Variants in PIGN observed in about 807,000 individuals in gnomAD.
The protein encoded by PIGN is phosphatidylinositol glycan anchor biosynthesis class N, also known as GPI ethanolamine phosphate transferase 1.
Under a neutral mutation model 125.4 loss-of-function variants are expected in PIGN, and 117 were observed. The ratio of observed to expected loss-of-function variants is 0.93; its 90% CI spans 0.80 to 1.09. The LOEUF (loss-of-function observed/expected upper bound fraction) is 1.09. Among genes scored for constraint, PIGN ranks in the 50% least tolerant of loss-of-function variants. The pLI is 0.00. For synonymous variants in PIGN, 392 were observed against 377.8 expected (o/e 1.04, Z -0.44); for missense variants, 1,075 against 1,094.9 (o/e 0.98, Z 0.26).
At chr18:62,098,768 C>T (rs2034317784) in intron 22 of PIGN, among the ~76,000 whole-genome samples, 1 of 152,120 alleles carries the variant, frequency 6.6e-6, no homozygotes, top group African/African-American at 2.4e-5. Flanking sequence ...CCTAGCTCTA[C>T]CAATCCCAAG....
intron 30 of PIGN, among the ~76,000 whole-genome samples, chr18:62,055,904 T>C (rs11152328): frequency 0.33 from 50,351 of 150,780 alleles, 9,325 homozygotes; most frequent in East Asian, 0.64. Flanking sequence ...CAAGGTCTTA[T>C]AGGCACTTAA....
At chr18:62,116,943 G>GA (rs944331390) in intron 14 of PIGN, among the ~76,000 whole-genome samples, 1 of 151,892 alleles carries the variant, frequency 6.6e-6, no homozygotes, top group Non-Finnish European at 1.5e-5. Context: ...AAGAATAAGA[G>GA]AAAAAAATTC....
At chr18:62,097,970 A>G (rs1426621875) in intron 22 of PIGN, among the ~76,000 whole-genome samples, 1 of 152,212 alleles carries the variant, frequency 6.6e-6, no homozygotes, top group Non-Finnish European at 1.5e-5. Context: ...GAAGATAGAC[A>G]AGTTGGGATG....
intron 30 of PIGN, among the ~76,000 whole-genome samples, chr18:62,051,389 G>A (rs2031271488): frequency 6.6e-6 from 1 of 152,102 alleles, no homozygotes; most frequent in Non-Finnish European, 1.5e-5. Flanking sequence ...GCCTGTTATT[G>A]GACTATTCAG....
intron 30 of PIGN, among the ~76,000 whole-genome samples, chr18:62,051,387 T>A (rs1263746333): frequency 6.6e-6 from 1 of 152,346 alleles, no homozygotes; most frequent in East Asian, 1.9e-4. Context: ...GAGCCTGTTA[T>A]TGGACTATTC....
At position 62,109,969 on chromosome 18, in the gene PIGN, G is replaced by C; in HGVS notation, c.1439C>G (p.Pro480Arg). Residue 480 changes from proline (P) to arginine (R), a missense_variant, in exon 17 of 31, where the codon CCA (proline) becomes CGA (arginine). Transcript: ENST00000640252. Reference protein sequence around the residue: ...IKGVSKEVKKPSHLLPCSFVA... With the variant: ...IKGVSKEVKKRSHLLPCSFVA... ...AAAACTACAAGGCAGGAGATGGCTTGGTTTCTGAAAAATCAAACAAAACAT... is the reference window on the plus strand; with the variant it reads ...AAAACTACAAGGCAGGAGATGGCTTCGTTTCTGAAAAATCAAACAAAACAT... The C allele has an allele frequency of 6.2e-7, 1 of 1,613,098 alleles. No individual in the cohort carries two copies. The highest frequency in any genetic ancestry group is 1.3e-5 in the African/African-American group (1 of 74,976).
At chr18:62,120,874 C>T (rs748017027) in intron 14 of PIGN, among the ~76,000 whole-genome samples, 11 of 151,018 alleles carry the variant, frequency 7.3e-5, no homozygotes, top group African/African-American at 1.7e-4. Context: ...ATAAATGGTC[C>T]GAAAACACCA....
intron 7 of PIGN, among the ~76,000 whole-genome samples, chr18:62,152,753 C>T (rs2036581327): frequency 6.6e-6 from 1 of 151,984 alleles, no homozygotes. Context: ...TGCTTTTGCA[C>T]TGGTGGAAAG....
intron 23 of PIGN, among the ~76,000 whole-genome samples, chr18:62,020,409 A>C (rs955007774): frequency 2.6e-5 from 4 of 152,196 alleles, no homozygotes; most frequent in Admixed American, 6.5e-5. Context: ...CATGTGAAGA[A>C]GCAGCAAGAT....
intron 30 of PIGN, among the ~76,000 whole-genome samples, chr18:62,058,161 TTC>T (rs1282155373): frequency 6.6e-6 from 1 of 152,198 alleles, no homozygotes; most frequent in Non-Finnish European, 1.5e-5. Context: ...AGGAGGTTCT[TTC>T]TGTCTTCCTC....
chr18:62,186,807 C>T (rs1365172601), intron 1 of PIGN, 37 bp downstream of exon 1: 1 of 152,280 alleles, frequency 6.6e-6, no homozygotes, highest in African/African-American at 2.4e-5. Context: ...ACAGTTTGGG[C>T]GCCGACACCC....
At position 62,074,837 on chromosome 18, in the gene PIGN, A is replaced by G. The variant is rs766530891; in HGVS notation, c.2577-16T>C. On this transcript the variant is annotated splice_polypyrimidine_tract_variant and intron_variant, in intron 28 of 30. Transcript: ENST00000640252. ...GAGAAAAAGGCTGGAAAAAAAAAGA[A>G]GGAAAAATTACATCTAATACAACAG... 1 of 1,588,028 alleles carries G rather than the reference A, an allele frequency of 6.3e-7. No individual in the cohort carries two copies. The highest frequency in any genetic ancestry group is 1.1e-5 in the South Asian group (1 of 88,668).
chr18:62,067,926 G>T (rs1424843306), intron 30 of PIGN, among the ~76,000 whole-genome samples: 1 of 152,168 alleles, frequency 6.6e-6, no homozygotes, highest in Non-Finnish European at 1.5e-5. Context: ...GAATAGGAAG[G>T]CCACCAGTAA....
intron 14 of PIGN, among the ~76,000 whole-genome samples, chr18:62,122,305 G>A (rs997257343): frequency 1.3e-5 from 2 of 152,048 alleles, no homozygotes; most frequent in Admixed American, 1.3e-4. Flanking sequence ...TGTATGTAAT[G>A]TATCAATTTT....
chr18:62,148,485 C>T (rs535191838), intron 7 of PIGN, 147 bp from the exon 8 acceptor site: 4 of 474,984 alleles, frequency 8.4e-6, no homozygotes, highest in African/African-American at 2.1e-5. Context: ...ACCAACACAA[C>T]GTCTTTGCTA....
At chr18:62,079,927 C>T (rs910478121) in intron 28 of PIGN, among the ~76,000 whole-genome samples, 3 of 151,984 alleles carry the variant, frequency 2.0e-5, no homozygotes, top group African/African-American at 7.2e-5. Flanking sequence ...AACACTTTCC[C>T]AATAAAAGTT....
chr18:62,167,644 C>CA (rs79152816), intron 1 of PIGN, among the ~76,000 whole-genome samples: 7 of 138,412 alleles, frequency 5.1e-5, no homozygotes, highest in Non-Finnish European at 9.2e-5. Context: ...AAAAAAAAAA[C>CA]AAAAAAAAAA....
chr18:62,030,821 T>G (rs780154122), intron 23 of PIGN, among the ~76,000 whole-genome samples: 1 of 152,176 alleles, frequency 6.6e-6, no homozygotes, highest in Admixed American at 6.5e-5. Context: ...TACTAACTTA[T>G]ATATGACTCT....
intron 23 of PIGN, among the ~76,000 whole-genome samples, chr18:62,094,470 T>A (rs1251085854): frequency 6.6e-6 from 1 of 152,134 alleles, no homozygotes; most frequent in African/African-American, 2.4e-5. Context: ...CCTGAAATGG[T>A]AGGTTAGAAT....
Sources: allele counts gnomAD v4.1 joint callset (sites outside exome capture counted in the v4.1 genomes callset), GRCh38; gene constraint gnomAD v4.1.1; transcripts MANE v1.5; gene names NCBI Gene and HGNC (gene_info 2026-07-23, HGNC 2026-07-21).